TNS1: variants seen among roughly 807,000 people sequenced by gnomAD.
The protein encoded by TNS1 is tensin 1.
In TNS1, 62 loss-of-function variants were observed where a neutral mutation model predicts 168.6. That is an observed-to-expected ratio of 0.37 (90% confidence interval 0.30 to 0.45). The LOEUF (loss-of-function observed/expected upper bound fraction) is 0.45, where lower values mean the gene tolerates loss of function less well. Ranked by LOEUF, TNS1 falls within the 20% of genes least tolerant of loss-of-function variation. TNS1 has a pLI of 1.00. For missense variants in TNS1, 2,240 were observed against 2,339.4 expected, an observed-to-expected ratio of 0.96 and a Z score of 0.88; for synonymous variants, 934 against 933.2, an observed-to-expected ratio of 1.00 and a Z score of -0.02.
chr2:217,858,417 G>A, intron 18 of TNS1: 1 of 695,038 alleles, frequency 1.4e-6, no homozygotes. Flanking sequence ...AGAAGCACGA[G>A]CACCCCAGCC....
chr2:217,906,261 C>T (rs2288170), intron 6 of TNS1, 74 bp downstream of exon 6: 73,499 of 668,234 alleles, frequency 0.11, 5,559 homozygotes, highest in South Asian at 0.21. Flanking sequence ...AGACATTATC[C>T]ACCTCCCACC....
intron 1 of TNS1, among the ~76,000 whole-genome samples, chr2:217,998,835 C>T (rs931809602): frequency 3.3e-5 from 5 of 152,112 alleles, no homozygotes; most frequent in Admixed American, 1.3e-4. Flanking sequence ...ATTCACCTCC[C>T]GAGGAGTCTT....
chr2:218,017,055 T>C (rs370102627), intron 1 of TNS1, among the ~76,000 whole-genome samples: 1 of 152,110 alleles, frequency 6.6e-6, no homozygotes, highest in East Asian at 1.9e-4. Flanking sequence ...CAAGCATGCC[T>C]GGGAGCTCCC....
chr2:217,874,293 A>C (rs1348049512), intron 18 of TNS1, among the ~76,000 whole-genome samples: 2 of 152,218 alleles, frequency 1.3e-5, no homozygotes, highest in Non-Finnish European at 2.9e-5. Flanking sequence ...CCCAGTAAGT[A>C]CAAAACAGCA....
Position 217,894,994 on chromosome 2 carries a change from C to T in TNS1, c.594+12G>A. ...CTTCTCCTCCCCTACCCCAAAACAGCCCCTGGCTCACCTTGGCATGGAGCT... is the reference window on the plus strand; with the variant it reads ...CTTCTCCTCCCCTACCCCAAAACAGTCCCTGGCTCACCTTGGCATGGAGCT... On this transcript the variant is annotated intron_variant, in intron 9 of 32. Transcript: ENST00000682258. 1 of 1,612,636 alleles carries T rather than the reference C, an allele frequency of 6.2e-7. No homozygotes were observed. The highest frequency in any genetic ancestry group is 8.5e-7 in the Non-Finnish European group (1 of 1,179,494).
chr2:217,808,578 G>A, intron 31 of TNS1, 25 bp downstream of exon 31: 1 of 1,610,904 alleles, frequency 6.2e-7, no homozygotes, highest in Non-Finnish European at 8.5e-7. Context: ...CTGTGTGGGA[G>A]AGAAGCTGTG....
intron 1 of TNS1, among the ~76,000 whole-genome samples, chr2:218,001,699 C>T (rs1039362584): frequency 1.3e-5 from 2 of 152,182 alleles, no homozygotes; most frequent in African/African-American, 4.8e-5. Context: ...CCCAGCCCAA[C>T]ATGCCACCCA....
At chr2:217,859,524 G>C (rs1408252139) in intron 18 of TNS1, 2 of 905,270 alleles carry the variant, frequency 2.2e-6, no homozygotes, top group Non-Finnish European at 3.5e-6. Context: ...TCCAGGAGGG[G>C]ACAGGAGCCC....
chr2:217,889,397 C>T (rs1035184431), intron 12 of TNS1, among the ~76,000 whole-genome samples: 2 of 152,238 alleles, frequency 1.3e-5, no homozygotes, highest in African/African-American at 4.8e-5. Context: ...GGCTGGAGAG[C>T]TCCAGGACTC....
intron 24 of TNS1, 131 bp downstream of exon 24, chr2:217,817,559 G>A (rs1020695742): frequency 2.8e-6 from 2 of 725,190 alleles, no homozygotes; most frequent in African/African-American, 3.6e-5. Context: ...AAGAAACTAA[G>A]TCCCAGAAGT....
chr2:217,939,154 C>T (rs868383466), intron 3 of TNS1, among the ~76,000 whole-genome samples: 7 of 152,186 alleles, frequency 4.6e-5, no homozygotes, highest in African/African-American at 1.4e-4. Flanking sequence ...ACAACCATAC[C>T]TTGAAGCAGA....
chr2:217,956,661 G>A (rs2059737), intron 3 of TNS1, among the ~76,000 whole-genome samples: 38,028 of 151,956 alleles, frequency 0.25, 7,211 homozygotes, highest in African/African-American at 0.53. Context: ...CACACACACA[G>A]CTCACACACA....
At chr2:217,919,189 C>T (rs941674242) in intron 4 of TNS1, among the ~76,000 whole-genome samples, 12 of 152,322 alleles carry the variant, frequency 7.9e-5, no homozygotes, top group Admixed American at 6.5e-5. Flanking sequence ...AGGATGGGAC[C>T]AGCCCCTTGT....
At chr2:217,963,889 C>CAAAAA (rs58953604) in intron 3 of TNS1, among the ~76,000 whole-genome samples, 13 of 126,414 alleles carry the variant, frequency 1.0e-4, no homozygotes, top group African/African-American at 3.6e-4. Flanking sequence ...ACTAAAAATA[C>CAAAAA]AAAAAAAAAA....
At chr2:217,974,576 G>A (rs548509983) in intron 3 of TNS1, among the ~76,000 whole-genome samples, 1 of 152,276 alleles carries the variant, frequency 6.6e-6, no homozygotes, top group South Asian at 2.1e-4. Context: ...AGCCGGCACC[G>A]AGGCTCTACC....
chr2:217,822,109 A>C (rs1257169530), intron 22 of TNS1, among the ~76,000 whole-genome samples, 171 bp from the exon 23 acceptor site: 1 of 152,022 alleles, frequency 6.6e-6, no homozygotes, highest in African/African-American at 2.4e-5. Context: ...CCTGCCCTGC[A>C]GTGACCTTTC....
At chr2:217,975,971 G>A (rs1957884451) in intron 3 of TNS1, among the ~76,000 whole-genome samples, 1 of 152,058 alleles carries the variant, frequency 6.6e-6, no homozygotes, top group African/African-American at 2.4e-5. Flanking sequence ...AAACTCCCCA[G>A]CACTCACTAC....
intron 19 of TNS1, among the ~76,000 whole-genome samples, chr2:217,844,117 C>T (rs1946339624): frequency 6.6e-6 from 1 of 152,138 alleles, no homozygotes; most frequent in South Asian, 2.1e-4. Flanking sequence ...GATGATCCTT[C>T]TCCCTCATCC....
intron 1 of TNS1, among the ~76,000 whole-genome samples, chr2:218,017,836 T>A (rs1354516998): frequency 6.6e-6 from 1 of 152,184 alleles, no homozygotes; most frequent in Non-Finnish European, 1.5e-5. Flanking sequence ...CCCTCCTGGC[T>A]CTGCCAGCTG....
Sources: allele counts gnomAD v4.1 joint callset (sites outside exome capture counted in the v4.1 genomes callset), GRCh38; gene constraint gnomAD v4.1.1; transcripts MANE v1.5; gene names NCBI Gene and HGNC (gene_info 2026-07-23, HGNC 2026-07-21).